Variants in DNAH14 observed in about 807,000 individuals in gnomAD.
The protein encoded by DNAH14 is dynein axonemal heavy chain 14, also known as axonemal beta dynein heavy chain 14.
Under a neutral mutation model 520.9 loss-of-function variants are expected in DNAH14, and 478 were observed. That is an observed-to-expected ratio of 0.92 (90% CI 0.85 to 0.99). The LOEUF (loss-of-function observed/expected upper bound fraction) is 0.99, where lower values mean the gene tolerates loss of function less well. DNAH14 is among the 50% of genes least tolerant of loss of function. The pLI is 0.00. For missense variants in DNAH14, 4,831 were observed against 5,234.5 expected (o/e 0.92, Z 2.38); for synonymous variants, 1,581 against 1,757.2 (o/e 0.90, Z 2.51).
chr1:225,358,438 G>C, intron 73 of DNAH14, 58 bp from the exon 74 acceptor site: 1 of 1,332,798 alleles, frequency 7.5e-7, no homozygotes, highest in South Asian at 1.6e-5. Flanking sequence ...TTTACCATAG[G>C]GAATATCTCT....
intron 68 of DNAH14, among the ~76,000 whole-genome samples, chr1:225,339,021 G>T (rs2095121819): frequency 2.0e-5 from 3 of 152,078 alleles, no homozygotes; most frequent in Admixed American, 2.0e-4. Flanking sequence ...CTGTGGCCGG[G>T]CGTGGTGGCG....
At chr1:225,221,087 A>G (rs2090010299) in intron 41 of DNAH14, among the ~76,000 whole-genome samples, 1 of 152,224 alleles carries the variant, frequency 6.6e-6, no homozygotes, top group Non-Finnish European at 1.5e-5. Context: ...GATGTTGGGA[A>G]AACTGGCTAC....
intron 17 of DNAH14, among the ~76,000 whole-genome samples, chr1:225,063,757 G>A (rs904682954): frequency 2.0e-5 from 3 of 151,840 alleles, no homozygotes; most frequent in African/African-American, 7.2e-5. Flanking sequence ...TTCCAGATTT[G>A]ATGAAAAGTA....
intron 51 of DNAH14, 142 bp from the exon 52 acceptor site, chr1:225,272,813 T>G: frequency 2.4e-6 from 2 of 834,928 alleles, no homozygotes; most frequent in Non-Finnish European, 1.8e-6. Context: ...CTTCAGATTA[T>G]CACTTGTAGA....
At chr1:225,325,485 C>CA (rs59895242) in intron 64 of DNAH14, among the ~76,000 whole-genome samples, 50,604 of 139,312 alleles carry the variant, frequency 0.36, 9,086 homozygotes, top group African/African-American at 0.47. Flanking sequence ...AACTCCATCT[C>CA]AAAAAAAAAA....
intron 23 of DNAH14, among the ~76,000 whole-genome samples, chr1:225,101,696 T>G (rs1185383233): frequency 6.6e-6 from 1 of 152,186 alleles, no homozygotes; most frequent in Non-Finnish European, 1.5e-5. Flanking sequence ...GATCTCATTC[T>G]CTTTTATGGC....
chr1:225,251,738 A>G (rs1352277255), intron 43 of DNAH14, among the ~76,000 whole-genome samples: 2 of 152,158 alleles, frequency 1.3e-5, no homozygotes, highest in African/African-American at 4.8e-5. Flanking sequence ...ATAAGAAAAC[A>G]CAATTTTTCA....
rs145452822 is a variant in DNAH14 at position 225,263,905 on chromosome 1, T to C, written c.7158-292T>C. Among the ~76,000 whole-genome samples, 1,081 of 152,130 alleles carry C rather than the reference T, an allele frequency of 7.1e-3. 9 individuals carry two copies. The highest frequency in any genetic ancestry group is 0.024 in the African/African-American group (1,012 of 41,518). ...AGTGATCCGTAAGGCAAATCACATT[T>C]TATAAAGGGATAAGTAAGGTAATGG... On this transcript the variant is annotated intron_variant, in intron 46 of 85. Coordinates refer to ENST00000682510, the MANE Select transcript of DNAH14 (RefSeq NM_001367479.1).
chr1:224,968,914 T>A (rs912900620), intron 7 of DNAH14, 40 bp downstream of exon 7: 1 of 1,410,012 alleles, frequency 7.1e-7, no homozygotes, highest in Non-Finnish European at 9.7e-7. Context: ...TGTAGTTTGA[T>A]CCTATTGAAG....
intron 59 of DNAH14, 44 bp from the exon 60 acceptor site, chr1:225,308,241 T>A (rs777366102): frequency 1.9e-5 from 28 of 1,503,304 alleles, no homozygotes; most frequent in South Asian, 1.9e-4. Context: ...AAAGAGATCA[T>A]GTCTCTTAAA....
intron 41 of DNAH14, among the ~76,000 whole-genome samples, chr1:225,219,436 C>T (rs190868993): frequency 3.1e-4 from 46 of 149,950 alleles, no homozygotes; most frequent in African/African-American, 9.5e-4. Context: ...AGAAAAGAGA[C>T]AAGAATCAAA....
chr1:225,092,683 T>G (rs1156720375), intron 21 of DNAH14, among the ~76,000 whole-genome samples: 1 of 151,786 alleles, frequency 6.6e-6, no homozygotes, highest in African/African-American at 2.4e-5. Flanking sequence ...AAATCAGAGC[T>G]GAACTGAAGG....
chr1:224,983,459 A>G (rs2501134), intron 8 of DNAH14, among the ~76,000 whole-genome samples: 22,938 of 152,020 alleles, frequency 0.15, 3,202 homozygotes, highest in African/African-American at 0.36. Context: ...ACTGAATGGG[A>G]AAAAGTTGAA....
At chr1:225,035,052 G>GTTT (rs34478787) in intron 11 of DNAH14, among the ~76,000 whole-genome samples, 10 of 151,588 alleles carry the variant, frequency 6.6e-5, no homozygotes, top group African/African-American at 1.9e-4. Flanking sequence ...TCTTTAAAAT[G>GTTT]TTTTTTTTGT....
chr1:225,306,137 A>G lies in DNAH14; in HGVS notation c.9005+1048A>G, dbSNP rs1461704909. Among the ~76,000 whole-genome samples, 11 of 152,212 alleles carry G rather than the reference A, an allele frequency of 7.2e-5. No individual in the cohort carries two copies. In the East Asian group the frequency reaches 2.1e-3, roughly 29 times the overall value. On this transcript the variant is annotated intron_variant, in intron 58 of 85. Coordinates refer to ENST00000682510, the MANE Select transcript of DNAH14 (RefSeq NM_001367479.1). Reference sequence around the variant, plus strand: ...ACTAATTTGTGTGCTGCAGGCAAGTATAGGCCTGACATTTACATAAGCAGC... The same window carrying G: ...ACTAATTTGTGTGCTGCAGGCAAGTGTAGGCCTGACATTTACATAAGCAGC...
chr1:224,962,560 AG>A (rs1412125064), intron 4 of DNAH14, among the ~76,000 whole-genome samples: 5 of 152,168 alleles, frequency 3.3e-5, no homozygotes, highest in African/African-American at 7.2e-5. Context: ...CTCAAACCTG[AG>A]GGGCTTGGAG....
At chr1:225,130,303 G>A (rs902060245) in intron 27 of DNAH14, among the ~76,000 whole-genome samples, 3 of 152,086 alleles carry the variant, frequency 2.0e-5, no homozygotes, top group Non-Finnish European at 4.4e-5. Context: ...ATTTGACCCA[G>A]CCATCCCATT....
chr1:225,109,940 T>C (rs1171285178), intron 23 of DNAH14, among the ~76,000 whole-genome samples: 1 of 152,212 alleles, frequency 6.6e-6, no homozygotes, highest in Non-Finnish European at 1.5e-5. Flanking sequence ...ATTGAAATGA[T>C]CATATGGTTT....
rs867701390 is a variant in DNAH14 at position 225,009,061 on chromosome 1, A to C, written c.1107+1517A>C. On this transcript the variant is annotated intron_variant, in intron 10 of 85. Coordinates refer to ENST00000682510, the MANE Select transcript of DNAH14 (RefSeq NM_001367479.1). ...AATTTTCTCCCATTCTGTAGGTTGC[A>C]TGTTCACTCTGATGGTAGTTTCTTT... Among the ~76,000 whole-genome samples, 10 of 152,042 alleles carry C rather than the reference A, an allele frequency of 6.6e-5. No individual in the cohort carries two copies. The South Asian group carries it at 8.3e-4, about 13-fold the overall frequency.
Sources: allele counts gnomAD v4.1 joint callset (sites outside exome capture counted in the v4.1 genomes callset), GRCh38; gene constraint gnomAD v4.1.1; transcripts MANE v1.5; gene names NCBI Gene and HGNC (gene_info 2026-07-23, HGNC 2026-07-21).